HSPG2: variants seen among roughly 807,000 people sequenced by gnomAD.
HSPG2 encodes the protein basement membrane-specific heparan sulfate proteoglycan core protein.
In HSPG2, 278 loss-of-function variants were observed where a neutral mutation model predicts 526.6. The ratio of observed to expected loss-of-function variants is 0.53; its 90% CI spans 0.48 to 0.58. The LOEUF (loss-of-function observed/expected upper bound fraction) is 0.58, where lower values mean the gene tolerates loss of function less well. HSPG2 is among the 20% of genes least tolerant of loss of function. HSPG2 has a pLI of 0.00. For missense variants in HSPG2, 5,354 were observed against 6,099.5 expected, an observed-to-expected ratio of 0.88 and a Z score of 4.07; for synonymous variants, 2,465 against 2,555.4, an observed-to-expected ratio of 0.96 and a Z score of 1.07.
rs1639645723 is a variant in HSPG2, at chr1:21,859,736, C to T, written c.5183-60G>A. 6.3e-7 allele frequency: 1 copy of T among 1,583,522 alleles called. No homozygotes were observed. The highest frequency in any genetic ancestry group is 1.1e-5 in the South Asian group (1 of 87,500). On this transcript the variant is annotated intron_variant, in intron 41 of 96. Transcript: ENST00000374695. This position sits in a 1 kb window ranked among gnomAD's most constrained non-coding sequence, Gnocchi z 5.3. ...ATACACTCTTTCTCACATCCAGCCC[C>T]ATGCACAAGGACAGCATCCCACTAG...
intron 13 of HSPG2, among the ~76,000 whole-genome samples, chr1:21,883,704 C>G (rs563328520): frequency 6.6e-6 from 1 of 152,322 alleles, no homozygotes; most frequent in South Asian, 2.1e-4. Flanking sequence ...TGCTTTGGAG[C>G]TAACTCTCTA....
chr1:21,885,477 A>C, intron 9 of HSPG2, 26 bp from the exon 10 acceptor site: 1 of 1,613,472 alleles, frequency 6.2e-7, no homozygotes, highest in Non-Finnish European at 8.5e-7. Flanking sequence ...GGTGGTTCCC[A>C]ATAGCCCACC....
Position 21,879,033 on chromosome 1 carries a change from C to T in HSPG2, c.2432G>A (p.Cys811Tyr). ...GDAMKATATS[C>Y]RPCPCPYIDA... Reference sequence around the variant, plus strand: ...GATGTATGGGCAAGGGCAGGGCCGGCAGGAAGTGGCCGTGGCCTTCATGGC... The same window carrying T: ...GATGTATGGGCAAGGGCAGGGCCGGTAGGAAGTGGCCGTGGCCTTCATGGC... Residue 811 changes from cysteine to tyrosine, a missense_variant, in exon 18 of 97, where the codon TGC becomes TAC. Physicochemically the swap from Cys to Tyr is radical, Grantham distance 194 (BLOSUM62 -2). Transcript: ENST00000374695. 6.2e-7 allele frequency: 1 copy of T among 1,614,176 alleles called. No individual in the cohort carries two copies. The highest frequency in any genetic ancestry group is 8.5e-7 in the Non-Finnish European group (1 of 1,180,038).
chr1:21,823,804 G>A lies in HSPG2; in HGVS notation c.12900-85C>T, dbSNP rs564446832. The stretch of plus-strand genomic sequence containing the variant: ...GACAGAGTCCCCTCCCTCTGATATC[G>A]AGACTCCAGACTCAGAAGTCTGTCC... On this transcript the variant is annotated intron_variant, in intron 95 of 96. Coordinates refer to ENST00000374695, the MANE Select transcript of HSPG2 (RefSeq NM_005529.7). 1.7e-4 allele frequency: 170 copies of A among 1,022,096 alleles called. No individual in the cohort carries two copies. In the African/African-American group the frequency reaches 2.1e-3, roughly 13 times the overall value. 63.3% of individuals were successfully genotyped at this position (1,022,096 alleles called of 1,614,324 possible).
rs909994209 is a variant in HSPG2 at position 21,898,672 on chromosome 1, T to G, written c.64-2362A>C. On this transcript the variant is annotated intron_variant, in intron 1 of 96. Coordinates refer to ENST00000374695, the MANE Select transcript of HSPG2 (RefSeq NM_005529.7). This position sits in a 1 kb window ranked among gnomAD's most constrained non-coding sequence, Gnocchi z 4.0. Reference sequence around the variant, plus strand: ...GTGTTCCCACTGGCTGGAGCAGGCCTGACTGACCCAACGTGGGTATGAGGC... The same window carrying G: ...GTGTTCCCACTGGCTGGAGCAGGCCGGACTGACCCAACGTGGGTATGAGGC... 4.3e-4 allele frequency among the ~76,000 whole-genome samples: 65 copies of G among 152,232 alleles called. No individual in the cohort carries two copies. The highest frequency in any genetic ancestry group is 2.0e-4 in the Admixed American group (3 of 15,282).
At position 21,880,447 on chromosome 1, in the gene HSPG2, C is replaced by G; in HGVS notation, c.2111G>C (p.Ser704Thr). 1.2e-6 allele frequency: 2 copies of G among 1,614,032 alleles called. No homozygotes were observed. The highest frequency in any genetic ancestry group is 1.7e-6 in the Non-Finnish European group (2 of 1,180,000). ...CATGGCGATGTCGCTAAGTCCCACG[C>G]TGGCCATCTTGGTGTTGTACACGGT... is the stretch of plus-strand genomic sequence containing the variant. The part of the protein sequence containing the change: ...IQTVYNTKMA[S>T]VGLSDIAMDT... Residue 704 changes from serine to threonine, a missense_variant, in exon 16 of 97, where the codon AGC becomes ACC. Ser to Thr is a moderately conservative substitution (Grantham distance 58). Transcript: ENST00000374695.
rs1044834336 is a variant in HSPG2 at position 21,835,444 on chromosome 1, G to A, written c.10453+96C>T. On this transcript the variant is annotated intron_variant, in intron 76 of 96. Transcript: ENST00000374695. The stretch of plus-strand genomic sequence containing the variant: ...ATTCTCTTTATTCTGACACATTTAG[G>A]GGGATTCCTAGGGAACAGGGTCTGG... 8.6e-6 allele frequency: 7 copies of A among 817,828 alleles called. No individual in the cohort carries two copies. The African/African-American group carries it at 1.0e-4, about 12-fold the overall frequency. 50.7% of individuals were successfully genotyped at this position (817,828 alleles called of 1,614,324 possible). A position where few individuals can be genotyped will look rare whatever the true frequency, so the allele number is the denominator to read the frequency against.
chr1:21,848,826 G>T lies in HSPG2; in HGVS notation c.7586-32C>A. 1.2e-6 allele frequency: 2 copies of T among 1,613,262 alleles called. No individual in the cohort carries two copies. Among genetic ancestry groups the T allele is most frequent in the Non-Finnish European group, 1.7e-6 (2 of 1,179,944 alleles). On this transcript the variant is annotated intron_variant, in intron 58 of 96. Transcript: ENST00000374695. This position sits in a 1 kb window ranked among gnomAD's most constrained non-coding sequence, Gnocchi z 4.9. ...GGGTGAGATGTAAGGCAGGGTGTGG[G>T]AGCTGCTGAGGGTGCAGTCGGGGTC...
At position 21,896,322 on chromosome 1, in the gene HSPG2, C is replaced by A. The variant is rs777907037; in HGVS notation, c.64-12G>T. ...AGCCCATGGGTCACCTGTAAGCAAA[C>A]GAGAGCTGATTGAGTCACTCTCTCC... On this transcript the variant is annotated splice_polypyrimidine_tract_variant and intron_variant, in intron 1 of 96. Coordinates refer to ENST00000374695, the MANE Select transcript of HSPG2 (RefSeq NM_005529.7). 3 of 1,611,998 alleles carry A rather than the reference C, an allele frequency of 1.9e-6. No homozygotes were observed. In the South Asian group the frequency reaches 3.3e-5, roughly 18 times the overall value.
chr1:21,876,164 C>T, intron 23 of HSPG2, 65 bp downstream of exon 23: 1 of 1,569,768 alleles, frequency 6.4e-7, no homozygotes, highest in Non-Finnish European at 8.7e-7. Flanking sequence ...CCTCCCGCCT[C>T]CAAGCCTTTG....
chr1:21,878,987 G>A lies in HSPG2; in HGVS notation c.2471+7C>T, dbSNP rs1243399930. 2 of 1,613,252 alleles carry A rather than the reference G, an allele frequency of 1.2e-6. No individual in the cohort carries two copies. Among genetic ancestry groups the A allele is most frequent in the South Asian group, 1.1e-5 (1 of 91,012 alleles). Reference sequence around the variant, plus strand: ...CAAACCCCCCCTGACCCGGAGCTGGGGCTGACCTGCGGGAGGCATCGATGT... The same window carrying A: ...CAAACCCCCCCTGACCCGGAGCTGGAGCTGACCTGCGGGAGGCATCGATGT... On this transcript the variant is annotated splice_region_variant and intron_variant, in intron 18 of 96. Coordinates refer to ENST00000374695, the MANE Select transcript of HSPG2 (RefSeq NM_005529.7).
Position 21,900,777 on chromosome 1 carries a change from C to T in HSPG2, c.64-4467G>A, listed in dbSNP as rs192521315. On this transcript the variant is annotated intron_variant, in intron 1 of 96. Transcript: ENST00000374695. ...GTGCATGCCTATAGTCCCAACTACTCGGGAGGCTGAGGTAGGAGAATTGCT... is the reference window on the plus strand; with the variant it reads ...GTGCATGCCTATAGTCCCAACTACTTGGGAGGCTGAGGTAGGAGAATTGCT... Among the ~76,000 whole-genome samples, 11 of 152,132 alleles carry T rather than the reference C, an allele frequency of 7.2e-5. No individual in the cohort carries two copies. The East Asian group carries it at 1.2e-3, about 16-fold the overall frequency.
At chr1:21,849,151 T>G in intron 57 of HSPG2, 120 bp from the exon 58 acceptor site, 36 of 1,238,940 alleles carry the variant, frequency 2.9e-5, no homozygotes, top group Non-Finnish European at 3.2e-5. Context: ...ATGGAAACTC[T>G]TCCAGGGAAA....
At position 21,887,784 on chromosome 1, in the gene HSPG2, C is replaced by T. The variant is rs1202479644; in HGVS notation, c.704-110G>A. The T allele has an allele frequency of 1.3e-6, 2 of 1,559,602 alleles. No homozygotes were observed. The highest frequency in any genetic ancestry group is 1.7e-5 in the Admixed American group (1 of 59,820). On this transcript the variant is annotated intron_variant, in intron 7 of 96. Coordinates refer to ENST00000374695, the MANE Select transcript of HSPG2 (RefSeq NM_005529.7). The surrounding 1 kb of genome is among the most constrained non-coding windows in gnomAD (Gnocchi z 5.0). Reference sequence around the variant, plus strand: ...TGTACTCCCCAACACCACTCCCTGCCACCCCCTGCCTGGCTCTGTCATCAC... The same window carrying T: ...TGTACTCCCCAACACCACTCCCTGCTACCCCCTGCCTGGCTCTGTCATCAC...
At chr1:21,846,318 G>A (rs1638431688) in intron 63 of HSPG2, 63 bp from the exon 64 acceptor site, 1 of 1,610,590 alleles carries the variant, frequency 6.2e-7, no homozygotes, top group Admixed American at 1.7e-5. Flanking sequence ...TGAAGGCCTG[G>A]GGCCAGGGTC....
chr1:21,859,587 G>A lies in HSPG2; in HGVS notation c.5272C>T (p.Arg1758Trp), dbSNP rs547706278. The A allele has an allele frequency of 5.6e-6, 9 of 1,604,108 alleles. No individual in the cohort carries two copies. The highest frequency in any genetic ancestry group is 3.4e-5 in the Admixed American group (2 of 58,752). Residue 1758 changes from arginine to tryptophan, a missense_variant, in exon 42 of 97, where the codon CGG becomes TGG. Physicochemically the swap from Arg to Trp is moderately radical, Grantham distance 101. Coordinates refer to ENST00000374695, the MANE Select transcript of HSPG2 (RefSeq NM_005529.7). This position sits in a 1 kb window ranked among gnomAD's most constrained non-coding sequence, Gnocchi z 5.3. ...CRNLHQSNTS[R>W]AELLVTEAPS... ...TCACCAGTGACCAGCAGCTCTGCCC[G>A]GCTGGTATTGGATTGGTGGAGATTA...
intron 1 of HSPG2, among the ~76,000 whole-genome samples, chr1:21,906,755 T>C (rs1232764946): frequency 6.6e-6 from 1 of 151,946 alleles, no homozygotes; most frequent in Non-Finnish European, 1.5e-5. Flanking sequence ...GTGCAACTAT[T>C]TGGTGTTTCC....
At chr1:21,913,310 T>C (rs775463560) in intron 1 of HSPG2, among the ~76,000 whole-genome samples, 1 of 152,078 alleles carries the variant, frequency 6.6e-6, no homozygotes, top group Non-Finnish European at 1.5e-5. Flanking sequence ...CTCCAGCCTG[T>C]CTTCAAGCCC....
rs151031577 is a variant in HSPG2 at position 21,875,652 on chromosome 1, G to A, written c.3279C>T (p.Tyr1093=). 70 of 1,602,242 alleles carry A rather than the reference G, an allele frequency of 4.4e-5. No homozygotes were observed. Among genetic ancestry groups the A allele is most frequent in the African/African-American group, 3.1e-4 (23 of 74,936 alleles). The change falls in exon 25 of 97, where the codon TAC becomes TAT. Residue 1093 remains tyrosine (Y), a synonymous_variant. Coordinates refer to ENST00000374695, the MANE Select transcript of HSPG2 (RefSeq NM_005529.7). ...ACCTGCTCTCAGCGGGCTGCTGGGC[G>A]TAGGATGCTCGGATCAGGAGGGTGT... is the stretch of plus-strand genomic sequence containing the variant. ...GIDTLLIRAS[Y]AQQPAESRVS...
Sources: gnomAD v4.1 joint callset for allele counts (sites outside exome capture counted in the v4.1 genomes callset) on GRCh38, gnomAD v4.1.1 for gene constraint, Gnocchi (gnomAD v3.1) non-coding constraint, MANE v1.5 for transcripts, NCBI Gene and HGNC (gene_info 2026-07-23, HGNC 2026-07-21) for gene names.